Variants in ANXA7 observed in about 807,000 individuals in gnomAD.
ANXA7 encodes the protein annexin A7.
Under a neutral mutation model 64.9 loss-of-function variants are expected in ANXA7, and 55 were observed. That is an observed-to-expected ratio of 0.85 (90% CI 0.68 to 1.06). The LOEUF (loss-of-function observed/expected upper bound fraction) is 1.06, where lower values mean the gene tolerates loss of function less well. Among genes scored for constraint, ANXA7 ranks in the 50% least tolerant of loss-of-function variants. ANXA7 has a pLI of 0.00. For missense variants in ANXA7, 548 were observed against 582.1 expected (o/e 0.94, Z 0.60); for synonymous variants, 200 against 192.4 (o/e 1.04, Z -0.33).
intron 12 of ANXA7, among the ~76,000 whole-genome samples, 159 bp downstream of exon 12, chr10:73,378,752 A>T (rs1434114167): frequency 6.6e-6 from 1 of 152,182 alleles, no homozygotes; most frequent in Non-Finnish European, 1.5e-5. Context: ...CCACAGCATG[A>T]GGAAAGTGAA....
chr10:73,397,282 A>G lies in ANXA7; in HGVS notation c.260-8T>C. On this transcript the variant is annotated splice_region_variant and splice_polypyrimidine_tract_variant and intron_variant, in intron 3 of 12. Transcript: ENST00000372921. ...ATCCTTGGCCTGGAGGAACTAGAGAAAAGAACATGTCAATAAACTATAGTA... is the reference window on the plus strand; with the variant it reads ...ATCCTTGGCCTGGAGGAACTAGAGAGAAGAACATGTCAATAAACTATAGTA... 1 of 1,577,700 alleles carries G rather than the reference A, an allele frequency of 6.3e-7. No individual in the cohort carries two copies. Among genetic ancestry groups the G allele is most frequent in the Non-Finnish European group, 8.7e-7 (1 of 1,149,268 alleles).
intron 12 of ANXA7, among the ~76,000 whole-genome samples, chr10:73,378,460 G>T (rs75448360): frequency 6.7e-6 from 1 of 148,750 alleles, no homozygotes; most frequent in Non-Finnish European, 1.5e-5. Context: ...AATATATAAA[G>T]TACAATTTTT....
At chr10:73,413,812 G>T (rs2055881209) in intron 1 of ANXA7, among the ~76,000 whole-genome samples, 200 bp downstream of exon 1, 1 of 152,168 alleles carries the variant, frequency 6.6e-6, no homozygotes, top group South Asian at 2.1e-4. Context: ...CAGGCCGGCC[G>T]CCTCACCCAC....
At chr10:73,379,790 G>A in intron 11 of ANXA7, 89 bp downstream of exon 11, 1 of 1,274,588 alleles carries the variant, frequency 7.8e-7, no homozygotes, top group Admixed American at 1.8e-5. Context: ...ATTCCACGTG[G>A]ACTATATTAT....
At chr10:73,380,301 C>T in intron 9 of ANXA7, 100 bp from the exon 10 acceptor site, 3 of 1,095,090 alleles carry the variant, frequency 2.7e-6, no homozygotes, top group South Asian at 1.8e-5. Flanking sequence ...GAGACTATTT[C>T]TTTTTTTTTT....
At chr10:73,376,317 TG>T (rs1039602255) in intron 12 of ANXA7, 100 bp from the exon 13 acceptor site, 5 of 1,197,788 alleles carry the variant, frequency 4.2e-6, no homozygotes, top group Non-Finnish European at 5.6e-6. Flanking sequence ...AATCAAAACT[TG>T]GGGGGGAAAA....
At chr10:73,396,703 T>C in intron 4 of ANXA7, 120 bp from the exon 5 acceptor site, 1 of 581,642 alleles carries the variant, frequency 1.7e-6, no homozygotes, top group Non-Finnish European at 2.9e-6. Flanking sequence ...CTATGATACT[T>C]ATGAGGATAG....
At chr10:73,413,039 T>A (rs903766611) in intron 1 of ANXA7, among the ~76,000 whole-genome samples, 4 of 152,002 alleles carry the variant, frequency 2.6e-5, no homozygotes, top group African/African-American at 9.7e-5. Flanking sequence ...GAATACAATT[T>A]TGCAAAACCG....
chr10:73,396,574 G>A lies in ANXA7; in HGVS notation c.380C>T (p.Pro127Leu), dbSNP rs2055579115. The A allele has an allele frequency of 6.2e-7, 1 of 1,607,334 alleles. No individual in the cohort carries two copies. Residue 127 changes from proline to leucine, a missense_variant, in exon 5 of 13, where the codon CCT becomes CTT. Physicochemically the swap from Pro to Leu is moderately conservative, Grantham distance 98 (BLOSUM62 -3). Transcript: ENST00000372921. ...ATACTGAGAAGGCATCTGTCCTCCA[G>A]GAAAGCCACCTATAATGTTAAAAAA... ...PAQVPLPGGF[P>L]GGQMPSQYPG...
intron 1 of ANXA7, among the ~76,000 whole-genome samples, chr10:73,412,121 C>G (rs1176185193): frequency 6.6e-6 from 1 of 152,144 alleles, no homozygotes; most frequent in East Asian, 1.9e-4. Flanking sequence ...ACTGCAACCT[C>G]CGCCTCCGGG....
chr10:73,385,248 A>G (rs1184209431), intron 7 of ANXA7, among the ~76,000 whole-genome samples: 2 of 152,240 alleles, frequency 1.3e-5, no homozygotes, highest in Admixed American at 1.3e-4. Context: ...GTTTGCTGGG[A>G]GGAACCACTG....
chr10:73,377,773 G>GGGGGGGGT (rs1554815379), intron 12 of ANXA7, among the ~76,000 whole-genome samples: 1 of 124,822 alleles, frequency 8.0e-6, no homozygotes, highest in East Asian at 2.8e-4. Context: ...GGTGGGTGTG[G>GGGGGGGGT]GTGTGTGTGT....
intron 7 of ANXA7, among the ~76,000 whole-genome samples, chr10:73,384,755 A>G (rs975925780): frequency 1.3e-5 from 2 of 152,182 alleles, no homozygotes; most frequent in Non-Finnish European, 1.5e-5. Context: ...ATGTAAGGTA[A>G]CCTGTACTCT....
chr10:73,409,621 C>T (rs1010057130), intron 1 of ANXA7, among the ~76,000 whole-genome samples: 3 of 152,088 alleles, frequency 2.0e-5, no homozygotes, highest in Admixed American at 6.6e-5. Context: ...CAATGCGATT[C>T]CCATCAAAAT....
At chr10:73,382,851 G>T (rs2055296572) in intron 9 of ANXA7, among the ~76,000 whole-genome samples, 1 of 152,164 alleles carries the variant, frequency 6.6e-6, no homozygotes, top group South Asian at 2.1e-4. Flanking sequence ...ATCTTCACTT[G>T]ATGGTGGGGC....
At position 73,376,149 on chromosome 10, in the gene ANXA7, T is replaced by G; in HGVS notation, c.1347A>C (p.Ala449=). The change falls in exon 13 of 13, where the codon GCA becomes GCC. Residue 449 remains alanine (A), a synonymous_variant. Coordinates refer to ENST00000372921, the MANE Select transcript of ANXA7 (RefSeq NM_001156.5). ...TTCGGTAATCTCCACTCGTGTCACCTGCAATCATTGTGCCCAGAGTCTTCT... is the reference window on the plus strand; with the variant it reads ...TTCGGTAATCTCCACTCGTGTCACCGGCAATCATTGTGCCCAGAGTCTTCT... ...MYQKTLGTMI[A]GDTSGDYRRL... is the part of the protein sequence containing the mutation. 1 of 1,609,532 alleles carries G rather than the reference T, an allele frequency of 6.2e-7. No individual in the cohort carries two copies. The highest frequency in any genetic ancestry group is 1.7e-5 in the Admixed American group (1 of 59,624).
intron 5 of ANXA7, 149 bp from the exon 6 acceptor site, chr10:73,388,563 C>T: frequency 3.3e-6 from 2 of 599,036 alleles, no homozygotes; most frequent in Non-Finnish European, 3.0e-6. Context: ...TACCAGAGCT[C>T]ATTATGGAAC....
chr10:73,377,940 T>C (rs1014042199), intron 12 of ANXA7, among the ~76,000 whole-genome samples: 21 of 146,154 alleles, frequency 1.4e-4, no homozygotes, highest in South Asian at 4.6e-4. Flanking sequence ...TGCGCGCGCG[T>C]GTGTTTTTTG....
intron 5 of ANXA7, among the ~76,000 whole-genome samples, chr10:73,390,693 AATATATAT>A (rs142703167): frequency 3.9e-5 from 5 of 127,474 alleles, no homozygotes; most frequent in South Asian, 2.4e-4. Context: ...TCTTTTGTAA[AATATATAT>A]ATATATATAT....
Sources: gnomAD v4.1 joint callset for allele counts (sites outside exome capture counted in the v4.1 genomes callset) on GRCh38, gnomAD v4.1.1 for gene constraint, MANE v1.5 for transcripts, NCBI Gene and HGNC (gene_info 2026-07-23, HGNC 2026-07-21) for gene names.